Variants in C18orf63 observed in about 807,000 individuals in gnomAD.
The protein encoded by C18orf63 is chromosome 18 open reading frame 63, also known as uncharacterized protein C18orf63.
In C18orf63, 50 loss-of-function variants were observed where a neutral mutation model predicts 75.3. That is an observed-to-expected ratio of 0.66 (90% CI 0.53 to 0.84). The LOEUF is 0.84. Among genes scored for constraint, C18orf63 ranks in the 40% least tolerant of loss-of-function variants. The pLI is 0.00. For missense variants in C18orf63, 732 were observed against 800.2 expected, an observed-to-expected ratio of 0.91 and a Z score of 1.03; for synonymous variants, 232 against 267.6, an observed-to-expected ratio of 0.87 and a Z score of 1.30.
rs951192875 is a variant in C18orf63, at chr18:74,358,983, T to A, written c.*2536T>A. On this transcript the variant is annotated 3_prime_UTR_variant, in exon 14 of 14. Coordinates refer to ENST00000579455, the MANE Select transcript of C18orf63 (RefSeq NM_001174123.2). ...TATTTGACTAACCAGTTGACCAATTTTGCTCTGTTTTCAAATTGCATATGA... is the reference window on the plus strand; with the variant it reads ...TATTTGACTAACCAGTTGACCAATTATGCTCTGTTTTCAAATTGCATATGA... The A allele has an allele frequency of 1.3e-5, 2 of 152,164 alleles. No homozygotes were observed. Among genetic ancestry groups the A allele is most frequent in the Non-Finnish European group, 2.9e-5 (2 of 68,006 alleles). The allele number at this position is 152,164 out of a possible 1,614,324, so 9.4% of individuals were successfully genotyped here.
Position 74,357,066 on chromosome 18 carries a change from T to G in C18orf63, c.*619T>G, listed in dbSNP as rs1161729042. On this transcript the variant is annotated 3_prime_UTR_variant, in exon 14 of 14. Coordinates refer to ENST00000579455, the MANE Select transcript of C18orf63 (RefSeq NM_001174123.2). ...ATTTTGGGGATCTCTACTATATCTC[T>G]GCAGGCTCACTAAATTTCACTTTTG... 2 of 152,236 alleles carry G rather than the reference T, an allele frequency of 1.3e-5. No homozygotes were observed. The highest frequency in any genetic ancestry group is 1.3e-4 in the Admixed American group (2 of 15,280). The allele number at this position is 152,236 out of a possible 1,614,324, so 9.4% of individuals were successfully genotyped here. A position where few individuals can be genotyped will look rare whatever the true frequency, so the allele number is the denominator to read the frequency against.
chr18:74,337,065 T>C (rs1984403380), intron 7 of C18orf63, among the ~76,000 whole-genome samples: 1 of 152,108 alleles, frequency 6.6e-6, no homozygotes. Flanking sequence ...GTCAACAGAG[T>C]TCACTTTCTA....
At chr18:74,347,190 G>A (rs1984588444) in intron 11 of C18orf63, among the ~76,000 whole-genome samples, 1 of 152,138 alleles carries the variant, frequency 6.6e-6, no homozygotes, top group Non-Finnish European at 1.5e-5. Context: ...GATAAAACTT[G>A]TCGCAGATTC....
chr18:74,354,379 A>G, intron 12 of C18orf63, 78 bp from the exon 13 acceptor site: 1 of 1,256,024 alleles, frequency 8.0e-7, no homozygotes, highest in East Asian at 2.5e-5. Flanking sequence ...CTAATTAATA[A>G]ACAGAATATC....
intron 7 of C18orf63, among the ~76,000 whole-genome samples, chr18:74,336,209 G>A (rs1984388662): frequency 6.6e-6 from 1 of 152,000 alleles, no homozygotes; most frequent in African/African-American, 2.4e-5. Context: ...CCTTTCTGCT[G>A]TACCATGCTT....
chr18:74,344,361 A>AAATTATTCCTT lies in C18orf63; in HGVS notation c.978+659_978+660insAATTATTCCTT, dbSNP rs1463798341. 1.2e-3 allele frequency among the ~76,000 whole-genome samples: 186 copies of AAATTATTCCTT among 148,822 alleles called. 2 individuals are homozygous for AAATTATTCCTT. Among genetic ancestry groups the AAATTATTCCTT allele is most frequent in the African/African-American group, 4.4e-3 (168 of 38,472 alleles). ...TGGGGAGGGAGGGTGTTTTCTACTG[A>AAATTATTCCTT]GTTTGTCTCCTCTGCATTTTTAAAA... On this transcript the variant is annotated intron_variant, in intron 11 of 13. Transcript: ENST00000579455.
rs1049216238 is a variant in C18orf63 at position 74,357,138 on chromosome 18, A to G, written c.*691A>G. 1 of 152,210 alleles carries G rather than the reference A, an allele frequency of 6.6e-6. No homozygotes were observed. The highest frequency in any genetic ancestry group is 1.5e-5 in the Non-Finnish European group (1 of 68,034). The allele number at this position is 152,210 out of a possible 1,614,324, so 9.4% of individuals were successfully genotyped here. On this transcript the variant is annotated 3_prime_UTR_variant, in exon 14 of 14. Coordinates refer to ENST00000579455, the MANE Select transcript of C18orf63 (RefSeq NM_001174123.2). The stretch of plus-strand genomic sequence containing the variant: ...GAAGCCCTGAATAAATGTAAAAGCT[A>G]TTTCTCAACAAAACTGGAGCCTTTA...
At chr18:74,322,034 G>A (rs1239645521) in intron 3 of C18orf63, among the ~76,000 whole-genome samples, 2 of 152,170 alleles carry the variant, frequency 1.3e-5, no homozygotes, top group Non-Finnish European at 2.9e-5. Flanking sequence ...GCACATCTGA[G>A]TCTGTGCTCT....
At chr18:74,331,044 C>A in intron 7 of C18orf63, 102 bp downstream of exon 7, 1 of 425,304 alleles carries the variant, frequency 2.4e-6, no homozygotes, top group Non-Finnish European at 3.9e-6. Context: ...TAACATAAAG[C>A]GTGCTAGAAA....
chr18:74,331,895 T>C (rs1201612271), intron 7 of C18orf63, among the ~76,000 whole-genome samples: 1 of 152,202 alleles, frequency 6.6e-6, no homozygotes, highest in Non-Finnish European at 1.5e-5. Context: ...GGACAATGGA[T>C]AAGTTCAAGA....
intron 7 of C18orf63, among the ~76,000 whole-genome samples, chr18:74,336,684 C>T (rs893920332): frequency 1.3e-5 from 2 of 152,048 alleles, no homozygotes; most frequent in Non-Finnish European, 2.9e-5. Context: ...CTCTTGGATA[C>T]TTTCAAATGA....
rs545918529 is a variant in C18orf63 at position 74,356,903 on chromosome 18, T to C, written c.*456T>C. On this transcript the variant is annotated 3_prime_UTR_variant, in exon 14 of 14. Transcript: ENST00000579455. ...CTGTTTCATCTGTTCCTCACAGACA[T>C]GCTTTTTTTTGCTATAATCTTTTAA... 10 of 151,316 alleles carry C rather than the reference T, an allele frequency of 6.6e-5. No homozygotes were observed. The highest frequency in any genetic ancestry group is 1.5e-4 in the Non-Finnish European group (10 of 68,010). The allele number at this position is 151,316 out of a possible 1,614,324, so 9.4% of individuals were successfully genotyped here.
chr18:74,333,647 AC>A (rs756418317), intron 7 of C18orf63, among the ~76,000 whole-genome samples: 1 of 152,112 alleles, frequency 6.6e-6, no homozygotes, highest in African/African-American at 2.4e-5. Flanking sequence ...TGAGTAAATT[AC>A]CTCCCACTGG....
chr18:74,330,098 C>A (rs925166581), intron 6 of C18orf63, among the ~76,000 whole-genome samples: 5 of 152,174 alleles, frequency 3.3e-5, no homozygotes, highest in Non-Finnish European at 5.9e-5. Context: ...AGTTTCATCT[C>A]CAAACACTGT....
At chr18:74,332,426 T>C (rs1441185152) in intron 7 of C18orf63, among the ~76,000 whole-genome samples, 1 of 152,164 alleles carries the variant, frequency 6.6e-6, no homozygotes, top group Non-Finnish European at 1.5e-5. Flanking sequence ...CCACATTGGC[T>C]CAGCACGGTG....
intron 2 of C18orf63, among the ~76,000 whole-genome samples, chr18:74,319,410 A>C (rs749772090): frequency 1.3e-5 from 2 of 151,778 alleles, no homozygotes; most frequent in Non-Finnish European, 2.9e-5. Flanking sequence ...TTTTTAAGGT[A>C]ACCCCATACA....
At position 74,358,315 on chromosome 18, in the gene C18orf63, G is replaced by A. The variant is rs1188007329; in HGVS notation, c.*1868G>A. 6.6e-6 allele frequency: 1 copy of A among 151,970 alleles called. No individual in the cohort carries two copies. Among genetic ancestry groups the A allele is most frequent in the East Asian group, 1.9e-4 (1 of 5,186 alleles). 9.4% of individuals were successfully genotyped at this position (151,970 alleles called of 1,614,324 possible). A position where few individuals can be genotyped will look rare whatever the true frequency, so the allele number is the denominator to read the frequency against. On this transcript the variant is annotated 3_prime_UTR_variant, in exon 14 of 14. Transcript: ENST00000579455. ...GTATTTTTTTGTATAAAGTAGGTTTGATTTTTATCTTACAATATTTATCCT... is the reference window on the plus strand; with the variant it reads ...GTATTTTTTTGTATAAAGTAGGTTTAATTTTTATCTTACAATATTTATCCT...
rs1206055777 is a variant in C18orf63, at chr18:74,330,869, T to G, written c.428T>G (p.Leu143Ter). 8.2e-6 allele frequency: 11 copies of G among 1,334,132 alleles called. No individual in the cohort carries two copies. The highest frequency in any genetic ancestry group is 1.1e-5 in the Non-Finnish European group (11 of 984,294). 82.6% of individuals were successfully genotyped at this position (1,334,132 alleles called of 1,614,324 possible). A position where few individuals can be genotyped will look rare whatever the true frequency, so the allele number is the denominator to read the frequency against. ...SQMGKQSAVVLNINVTETQVC... is the reference protein window; with the variant it reads ...SQMGKQSAVV ...CAGTTAAATATTTTATTTTCAGTAT[T>G]AAACATCAATGTAACAGAAACTCAA... is the stretch of plus-strand genomic sequence containing the variant. The change falls in exon 7 of 14, where the codon TTA becomes TGA. Residue 143 changes from leucine to a stop codon, truncating the protein, a stop_gained. Coordinates refer to ENST00000579455, the MANE Select transcript of C18orf63 (RefSeq NM_001174123.2). LOFTEE classifies it high-confidence loss of function.
chr18:74,355,937 T>C (rs1312144217), intron 13 of C18orf63, among the ~76,000 whole-genome samples: 1 of 152,032 alleles, frequency 6.6e-6, no homozygotes, highest in African/African-American at 2.4e-5. Flanking sequence ...TGCATGCCTA[T>C]AGTCCCAGCT....
Sources: allele counts gnomAD v4.1 joint callset (sites outside exome capture counted in the v4.1 genomes callset), GRCh38; gene constraint gnomAD v4.1.1; transcripts MANE v1.5; gene names NCBI Gene and HGNC (gene_info 2026-07-23, HGNC 2026-07-21).